The following MAF variants were observed in gnomAD, a reference collection of about 807,000 sequenced individuals.
MAF encodes MAF bZIP transcription factor.
Under a neutral mutation model 22.0 loss-of-function variants are expected in MAF, and 10 were observed. That is an observed-to-expected ratio of 0.45 (90% CI 0.28 to 0.77). The LOEUF (loss-of-function observed/expected upper bound fraction) is 0.77. MAF is among the 30% of genes least tolerant of loss of function. The pLI is 0.12. For missense variants in MAF, 544 were observed against 548.4 expected (o/e 0.99, Z 0.08); for synonymous variants, 337 against 255.8 (o/e 1.32, Z -3.03).
rs981246087 is a variant in MAF at position 79,595,655 on chromosome 16, G to A, written c.1119-1102C>T. 13 of 1,057,790 alleles carry A rather than the reference G, an allele frequency of 1.2e-5. No homozygotes were observed. The South Asian group carries it at 5.5e-4, about 45-fold the overall frequency. 65.5% of individuals were successfully genotyped at this position (1,057,790 alleles called of 1,614,324 possible). On this transcript the variant is annotated intron_variant, in intron 1 of 1. Transcript: ENST00000326043. ...GTCTTTCCAAGGGATCTTTAAGTCA[G>A]CCCCCATACACAGCCTATTTTGGGG...
the MAF span, among the ~76,000 whole-genome samples, chr16:79,514,432 G>A: frequency 1.3e-5 from 2 of 152,160 alleles, no homozygotes; most frequent in Non-Finnish European, 1.5e-5. Flanking sequence ...TCACAGAATG[G>A]GTGCAAATAT....
the MAF span, among the ~76,000 whole-genome samples, chr16:79,340,529 A>C: frequency 1.3e-5 from 2 of 151,720 alleles, no homozygotes; most frequent in South Asian, 4.2e-4. Flanking sequence ...AAAAACAGCC[A>C]ACAGCAAAAT....
chr16:79,305,530 G>A, the MAF span, among the ~76,000 whole-genome samples: 2 of 152,172 alleles, frequency 1.3e-5, no homozygotes, highest in Admixed American at 1.3e-4. Flanking sequence ...TCTGCAAGGT[G>A]GATGGGAAAC....
At chr16:79,361,136 G>C in the MAF span, among the ~76,000 whole-genome samples, 34 of 152,320 alleles carry the variant, frequency 2.2e-4, no homozygotes, top group African/African-American at 7.5e-4. Context: ...GGAATCAGTA[G>C]TACAGATAAA....
the MAF span, among the ~76,000 whole-genome samples, chr16:79,366,597 A>C: frequency 6.6e-6 from 1 of 152,198 alleles, no homozygotes; most frequent in African/African-American, 2.4e-5. Context: ...TTGATCAAGG[A>C]AACTTGAGCA....
At chr16:79,447,886 C>T in the MAF span, among the ~76,000 whole-genome samples, 1 of 3,170 alleles carries the variant, frequency 3.2e-4, no homozygotes, top group African/African-American at 1.8e-3. Context: ...AGCGAGATTC[C>T]ATCTCAAAAA....
At chr16:79,314,223 C>G in the MAF span, among the ~76,000 whole-genome samples, 1 of 152,090 alleles carries the variant, frequency 6.6e-6, no homozygotes, top group Non-Finnish European at 1.5e-5. Context: ...GATTTATGAC[C>G]AAATACTTGC....
chr16:79,348,329 G>A, the MAF span, among the ~76,000 whole-genome samples: 23 of 152,230 alleles, frequency 1.5e-4, no homozygotes, highest in Non-Finnish European at 2.4e-4. Context: ...ACTCAGCAGG[G>A]ATAGATAGTG....
chr16:79,248,685 G>A, the MAF span, among the ~76,000 whole-genome samples: 1,668 of 152,112 alleles, frequency 0.011, 16 homozygotes, highest in Non-Finnish European at 0.019. Flanking sequence ...ACTGTTTTCT[G>A]AAGATAGGGA....
chr16:79,597,480 T>C (rs1347131815), intron 1 of MAF: 2 of 1,024,926 alleles, frequency 2.0e-6, no homozygotes, highest in South Asian at 9.2e-5. Context: ...GGCGTCATTC[T>C]TATTAAAAAG....
chr16:79,517,418 AC>A, the MAF span, among the ~76,000 whole-genome samples: 2 of 152,190 alleles, frequency 1.3e-5, no homozygotes, highest in Admixed American at 1.3e-4. Context: ...TGGGCTGCTT[AC>A]CCAGAGTAAC....
the MAF span, among the ~76,000 whole-genome samples, chr16:79,468,456 G>T: frequency 6.6e-6 from 1 of 152,238 alleles, no homozygotes; most frequent in East Asian, 1.9e-4. Context: ...GTCCGTGGAG[G>T]GTGGGAGACC....
the MAF span, among the ~76,000 whole-genome samples, chr16:79,569,622 A>C: frequency 6.6e-6 from 1 of 152,280 alleles, no homozygotes; most frequent in South Asian, 2.1e-4. Flanking sequence ...ATGTTCACTG[A>C]AGTTTAGAAC....
the MAF span, among the ~76,000 whole-genome samples, chr16:79,577,228 T>G: frequency 6.6e-6 from 1 of 152,098 alleles, no homozygotes; most frequent in Non-Finnish European, 1.5e-5. Flanking sequence ...TGCATTTTCT[T>G]CTGGGCCTCA....
the MAF span, among the ~76,000 whole-genome samples, chr16:79,208,160 T>C: frequency 6.6e-6 from 1 of 152,324 alleles, no homozygotes. Flanking sequence ...ACTCTCAAGA[T>C]TGATTGCACA....
the MAF span, among the ~76,000 whole-genome samples, chr16:79,236,778 G>A: frequency 4.6e-5 from 7 of 151,786 alleles, no homozygotes; most frequent in East Asian, 1.9e-4. Flanking sequence ...ATCATAGTTC[G>A]TTCTTATTAG....
At chr16:79,519,587 C>G in the MAF span, among the ~76,000 whole-genome samples, 1 of 152,220 alleles carries the variant, frequency 6.6e-6, no homozygotes, top group Admixed American at 6.5e-5. Context: ...TATCGCTTGT[C>G]ATCGGTAACC....
chr16:79,449,056 TGG>T, the MAF span, among the ~76,000 whole-genome samples: 3 of 152,082 alleles, frequency 2.0e-5, no homozygotes, highest in African/African-American at 7.2e-5. Context: ...CTGGGGGTGA[TGG>T]GAGACAGTGA....
the MAF span, among the ~76,000 whole-genome samples, chr16:79,433,570 G>T: frequency 1.3e-5 from 2 of 152,006 alleles, no homozygotes; most frequent in African/African-American, 2.4e-5. Flanking sequence ...AGAAGAACTA[G>T]ATGTAAGTCC....
Sources: allele counts gnomAD v4.1 joint callset (sites outside exome capture counted in the v4.1 genomes callset), GRCh38; gene constraint gnomAD v4.1.1; transcripts MANE v1.5; gene names NCBI Gene and HGNC (gene_info 2026-07-23, HGNC 2026-07-21).